The following KLRB1 variants were observed in gnomAD, a reference collection of about 807,000 sequenced individuals.
The protein encoded by KLRB1 is killer cell lectin like receptor B1.
A neutral mutation model predicts 33.5 loss-of-function variants in KLRB1; 27 were observed. That is an observed-to-expected ratio of 0.81 (90% CI 0.59 to 1.11). KLRB1 has a LOEUF of 1.11. Ranked by LOEUF, KLRB1 falls within the 50% of genes most tolerant of loss-of-function variation. The pLI is 0.00. For synonymous variants in KLRB1, 64 were observed against 88.9 expected, an observed-to-expected ratio of 0.72 and a Z score of 1.58; for missense variants, 241 against 254.1, an observed-to-expected ratio of 0.95 and a Z score of 0.35.
rs771505734 is a variant in KLRB1, at chr12:9,599,843, T to C, written c.185-2A>G. 6.5e-7 allele frequency: 1 copy of C among 1,545,940 alleles called. No homozygotes were observed. Among genetic ancestry groups the C allele is most frequent in the Non-Finnish European group, 8.9e-7 (1 of 1,118,120 alleles). ...ATGATTTCTGTATTAAGGATGTCAC[T>C]AGTACATAAGGAAAAACAAGAGTAT... On this transcript the variant is annotated splice_acceptor_variant, in intron 2 of 5. Transcript: ENST00000229402. LOFTEE classifies it high-confidence loss of function.
Position 9,601,567 on chromosome 12 carries a change from C to A in KLRB1, c.118G>T (p.Ala40Ser), listed in dbSNP as rs757911661. Reference sequence around the variant, plus strand: ...ATCCCAGCACAGCTAAGTTTCAGGGCAAATTGATGCCAAGGTGAACCCTGA... The same window carrying A: ...ATCCCAGCACAGCTAAGTTTCAGGGAAAATTGATGCCAAGGTGAACCCTGA... ...VCQGSPWHQF[A>S]LKLSCAGIIL... Residue 40 changes from alanine (A) to serine (S), a missense_variant, in exon 2 of 6, where the codon GCC (alanine) becomes TCC (serine). Ala to Ser is a moderately conservative substitution (Grantham distance 99, BLOSUM62 1). Coordinates refer to ENST00000229402, the MANE Select transcript of KLRB1 (RefSeq NM_002258.3). 9.3e-6 allele frequency: 15 copies of A among 1,613,382 alleles called. No homozygotes were observed. In the South Asian group the frequency reaches 1.2e-4, roughly 13 times the overall value.
chr12:9,607,356 C>T (rs1346079006), intron 1 of KLRB1, among the ~76,000 whole-genome samples: 5 of 46,768 alleles, frequency 1.1e-4, no homozygotes, highest in Non-Finnish European at 1.8e-4. Flanking sequence ...TTCTTTCTTC[C>T]TTTCTTTCTT....
At chr12:9,607,408 T>TTTCTTTCTTTCTTTCTTTC (rs768238888) in intron 1 of KLRB1, among the ~76,000 whole-genome samples, 48 of 125,750 alleles carry the variant, frequency 3.8e-4, no homozygotes, top group South Asian at 5.5e-4. Flanking sequence ...TTCTTTCTTT[T>TTTCTTTCTTTCTTTCTTTC]CTTTCTTTCT....
At chr12:9,607,293 T>G (rs2120728530) in intron 1 of KLRB1, among the ~76,000 whole-genome samples, 1 of 103,190 alleles carries the variant, frequency 9.7e-6, no homozygotes, top group South Asian at 3.2e-4. Context: ...TTTCTTTTTC[T>G]TTCTCTCCTT....
chr12:9,598,252 G>A (rs1864509306), intron 4 of KLRB1, 91 bp from the exon 5 acceptor site: 1 of 847,608 alleles, frequency 1.2e-6, no homozygotes, highest in South Asian at 1.5e-5. Context: ...CATCTCTGAA[G>A]TCTTTCCTAA....
intron 4 of KLRB1, 103 bp from the exon 5 acceptor site, chr12:9,598,264 T>G (rs957702542): frequency 2.1e-5 from 17 of 809,568 alleles, no homozygotes; most frequent in Admixed American, 4.9e-5. Context: ...CTTTCCTAAC[T>G]CGTCGTCAGC....
Position 9,598,616 on chromosome 12 carries a change from C to A in KLRB1, c.297G>T (p.Gln99His). The A allele has an allele frequency of 6.2e-7, 1 of 1,612,900 alleles. No individual in the cohort carries two copies. The change falls in exon 4 of 6, where the codon CAG (glutamine) becomes CAT (histidine). Residue 99 changes from glutamine to histidine, a missense_variant. Transcript: ENST00000229402. ...ATAACAAGCATTTCTCTCGGAGTTG[C>A]TGCCAATATATTGGGCAGTTTAAGA... Reference protein sequence around the residue: ...PGLLNCPIYWQQLREKCLLFS... With the variant: ...PGLLNCPIYWHQLREKCLLFS...
At chr12:9,600,740 C>T (rs1211219893) in intron 2 of KLRB1, among the ~76,000 whole-genome samples, 1 of 151,800 alleles carries the variant, frequency 6.6e-6, no homozygotes, top group Non-Finnish European at 1.5e-5. Context: ...ATCTGAAGTA[C>T]CCAGGGACAC....
At chr12:9,607,343 T>TGCCTGC (rs1565444564) in intron 1 of KLRB1, among the ~76,000 whole-genome samples, 5 of 68,042 alleles carry the variant, frequency 7.3e-5, no homozygotes, top group Non-Finnish European at 1.3e-4. Flanking sequence ...TTCCTTTCTT[T>TGCCTGC]CTTTCTTTCT....
chr12:9,603,210 ACTT>A (rs762007503), intron 1 of KLRB1, among the ~76,000 whole-genome samples: 2 of 152,142 alleles, frequency 1.3e-5, no homozygotes, highest in East Asian at 1.9e-4. Context: ...TTGGCCTAGA[ACTT>A]CTAATGAGAG....
At position 9,594,921 on chromosome 12, in the gene KLRB1, G is replaced by A. The variant is rs1156379645; in HGVS notation, c.*353C>T. On this transcript the variant is annotated 3_prime_UTR_variant, in exon 6 of 6. Coordinates refer to ENST00000229402, the MANE Select transcript of KLRB1 (RefSeq NM_002258.3). Reference sequence around the variant, plus strand: ...GGAATCTTCACGGCTTGCCGCGTGCGGGAAGAGACAGGTCAGCTCTCCCTT... The same window carrying A: ...GGAATCTTCACGGCTTGCCGCGTGCAGGAAGAGACAGGTCAGCTCTCCCTT... 7.9e-5 allele frequency: 7 copies of A among 88,292 alleles called. No homozygotes were observed. Among genetic ancestry groups the A allele is most frequent in the East Asian group, 7.5e-4 (2 of 2,672 alleles). The allele number at this position is 88,292 out of a possible 1,614,324, so 5.5% of individuals were successfully genotyped here.
At chr12:9,604,292 A>G (rs1470422485) in intron 1 of KLRB1, among the ~76,000 whole-genome samples, 1 of 152,176 alleles carries the variant, frequency 6.6e-6, no homozygotes, top group South Asian at 2.1e-4. Flanking sequence ...TCATTTCATT[A>G]TTCTAAACCT....
At chr12:9,595,579 G>A (rs1317253230) in intron 5 of KLRB1, among the ~76,000 whole-genome samples, 158 bp from the exon 6 acceptor site, 1 of 152,090 alleles carries the variant, frequency 6.6e-6, no homozygotes, top group Non-Finnish European at 1.5e-5. Context: ...GAACTTTTAA[G>A]ATAGAGCTAA....
chr12:9,600,571 A>T (rs2120712958), intron 2 of KLRB1, among the ~76,000 whole-genome samples: 1 of 152,316 alleles, frequency 6.6e-6, no homozygotes, highest in South Asian at 2.1e-4. Context: ...TTCTGCCTTG[A>T]GATTCTGTTA....
intron 4 of KLRB1, 87 bp from the exon 5 acceptor site, chr12:9,598,248 T>G: frequency 1.2e-6 from 1 of 864,882 alleles, no homozygotes; most frequent in Non-Finnish European, 1.9e-6. Flanking sequence ...ACCTCATCTC[T>G]GAAGTCTTTC....
intron 1 of KLRB1, 161 bp downstream of exon 1, chr12:9,607,594 C>A (rs34323946): frequency 3.6e-5 from 20 of 554,692 alleles, no homozygotes; most frequent in Middle Eastern, 4.7e-4. Context: ...TTTTTTTTCC[C>A]AAAGTTGTGA....
At chr12:9,607,212 TTTCC>T (rs760188939) in intron 1 of KLRB1, among the ~76,000 whole-genome samples, 3 of 151,804 alleles carry the variant, frequency 2.0e-5, no homozygotes, top group Non-Finnish European at 2.9e-5. Flanking sequence ...GTAAAATATT[TTTCC>T]TTCCTTCCTT....
intron 1 of KLRB1, among the ~76,000 whole-genome samples, chr12:9,607,250 C>CTCTTTTTCTTTATT (rs1555097674): frequency 2.5e-5 from 3 of 122,372 alleles, no homozygotes; most frequent in African/African-American, 8.6e-5. Context: ...CTTCCTCCTT[C>CTCTTTTTCTTTATT]TCTTTTTCTT....
chr12:9,603,572 G>A lies in KLRB1; in HGVS notation c.86-1973C>T, dbSNP rs918254823. Reference sequence around the variant, plus strand: ...CCCGAGTAGCTGGGATTACAGGCATGCGCCACCATGCCCGGCTAATTTTGT... The same window carrying A: ...CCCGAGTAGCTGGGATTACAGGCATACGCCACCATGCCCGGCTAATTTTGT... On this transcript the variant is annotated intron_variant, in intron 1 of 5. Coordinates refer to ENST00000229402, the MANE Select transcript of KLRB1 (RefSeq NM_002258.3). Among the ~76,000 whole-genome samples the A allele has an allele frequency of 1.3e-4, 19 of 149,252 alleles. 1 individual carries two copies. Among genetic ancestry groups the A allele is most frequent in the Admixed American group, 2.7e-4 (4 of 14,862 alleles).
Sources: gnomAD v4.1 joint callset for allele counts (sites outside exome capture counted in the v4.1 genomes callset) on GRCh38, gnomAD v4.1.1 for gene constraint, MANE v1.5 for transcripts, NCBI Gene and HGNC (gene_info 2026-07-23, HGNC 2026-07-21) for gene names.